The following ROBO1 variants were observed in gnomAD, a reference collection of about 807,000 sequenced individuals.
ROBO1 encodes roundabout guidance receptor 1.
A neutral mutation model predicts 195.9 loss-of-function variants in ROBO1; 149 were observed. The ratio of observed to expected loss-of-function variants is 0.76; its 90% confidence interval spans 0.67 to 0.87. The LOEUF (loss-of-function observed/expected upper bound fraction) is 0.87. Among genes scored for constraint, ROBO1 ranks in the 40% least tolerant of loss-of-function variants. The pLI, the probability that ROBO1 is intolerant of heterozygous loss-of-function variation, is 0.00. For missense variants in ROBO1, 1,933 were observed against 2,068.3 expected, an observed-to-expected ratio of 0.93 and a Z score of 1.27; for synonymous variants, 816 against 733.2, an observed-to-expected ratio of 1.11 and a Z score of -1.82.
chr3:78,756,412 T>C (rs1246440705), intron 4 of ROBO1, among the ~76,000 whole-genome samples: 1 of 152,180 alleles, frequency 6.6e-6, no homozygotes, highest in Non-Finnish European at 1.5e-5. Flanking sequence ...ATTCTACAAT[T>C]GGAATGCACA....
chr3:79,206,692 C>A (rs181941106), intron 2 of ROBO1, among the ~76,000 whole-genome samples: 1 of 151,988 alleles, frequency 6.6e-6, no homozygotes, highest in Non-Finnish European at 1.5e-5. Flanking sequence ...TAAAATATAT[C>A]ACTTCCACTA....
At chr3:79,063,739 T>C (rs1441791245) in intron 3 of ROBO1, among the ~76,000 whole-genome samples, 1 of 151,908 alleles carries the variant, frequency 6.6e-6, no homozygotes, top group Admixed American at 6.6e-5. Context: ...ATTTGTGACA[T>C]AGTTATTAAA....
At chr3:79,503,992 G>A (rs1282188316) in intron 2 of ROBO1, among the ~76,000 whole-genome samples, 7 of 151,970 alleles carry the variant, frequency 4.6e-5, no homozygotes, top group Admixed American at 2.0e-4. Flanking sequence ...AACTCCCAAG[G>A]TCTGGACTCT....
chr3:79,543,016 T>G (rs1942134143), intron 2 of ROBO1, among the ~76,000 whole-genome samples: 1 of 152,066 alleles, frequency 6.6e-6, no homozygotes. Flanking sequence ...AAAATGGGAT[T>G]TCAAAGTTTT....
Position 79,557,739 on chromosome 3 carries a change from A to ATATATAT in ROBO1, c.88+32084_88+32085insATATATA, listed in dbSNP as rs1273371706. ...CAGAGCGAGACTGTCTTAAAACAAA[A>ATATATAT]AAAAATATATATATATATATATATA... On this transcript the variant is annotated intron_variant, in intron 2 of 30. Transcript: ENST00000464233. Among the ~76,000 whole-genome samples, 75 of 140,080 alleles carry ATATATAT rather than the reference A, an allele frequency of 5.4e-4. 1 individual carries two copies. Among genetic ancestry groups the ATATATAT allele is most frequent in the South Asian group, 8.7e-4 (4 of 4,574 alleles). The allele number at this position is 140,080 out of a possible 152,430, so 91.9% of individuals were successfully genotyped here.
chr3:79,296,521 C>T (rs2032607397), intron 2 of ROBO1, among the ~76,000 whole-genome samples: 1 of 152,218 alleles, frequency 6.6e-6, no homozygotes, highest in Admixed American at 6.5e-5. Context: ...AAGTGCTAAC[C>T]CAAACCTTTC....
At chr3:79,715,574 G>A (rs1702450620) in intron 1 of ROBO1, among the ~76,000 whole-genome samples, 1 of 152,070 alleles carries the variant, frequency 6.6e-6, no homozygotes, top group East Asian at 1.9e-4. Context: ...ACTTCTACAT[G>A]TGCTGGGAAA....
At chr3:78,808,917 C>T (rs910967341) in intron 4 of ROBO1, among the ~76,000 whole-genome samples, 1 of 152,130 alleles carries the variant, frequency 6.6e-6, no homozygotes, top group East Asian at 1.9e-4. Flanking sequence ...GAGGCAATAC[C>T]ATTCAGGACA....
chr3:79,672,554 A>G lies in ROBO1; in HGVS notation c.-50-82593T>C, dbSNP rs530771984. On this transcript the variant is annotated intron_variant, in intron 1 of 30. Coordinates refer to ENST00000464233, the MANE Select transcript of ROBO1 (RefSeq NM_002941.4). ...ACAGGATAAATATCAGATCAGACGT[A>G]AACTCTTATTTTTTAGTTAGAAGAC... 1.8e-4 allele frequency among the ~76,000 whole-genome samples: 27 copies of G among 152,090 alleles called. No individual in the cohort carries two copies. The South Asian group carries it at 5.2e-3, about 29-fold the overall frequency.
intron 4 of ROBO1, among the ~76,000 whole-genome samples, chr3:78,807,661 G>A (rs2084587975): frequency 6.6e-6 from 1 of 152,234 alleles, no homozygotes; most frequent in Admixed American, 6.5e-5. Flanking sequence ...CAAAGCAATA[G>A]TGAAGAGTGT....
chr3:79,300,454 C>T (rs756606060), intron 2 of ROBO1, among the ~76,000 whole-genome samples: 85 of 152,346 alleles, frequency 5.6e-4, no homozygotes, highest in South Asian at 1.4e-3. Flanking sequence ...GCTGCCTTCC[C>T]GCGGGGCAGG....
Position 78,675,952 on chromosome 3 carries a change from G to T in ROBO1, c.1343-5651C>A, listed in dbSNP as rs187326645. 4.7e-4 allele frequency among the ~76,000 whole-genome samples: 72 copies of T among 152,114 alleles called. 1 individual carries two copies. The highest frequency in any genetic ancestry group is 3.4e-3 in the Middle Eastern group (1 of 294). On this transcript the variant is annotated intron_variant, in intron 10 of 30. Transcript: ENST00000464233. The stretch of plus-strand genomic sequence containing the variant: ...AGTAGGGGCAGACTGACACCTCACA[G>T]GGCCGGGTACTCCTCTGAGACAAAA...
At chr3:78,988,658 G>A (rs1339233056) in intron 3 of ROBO1, among the ~76,000 whole-genome samples, 2 of 152,128 alleles carry the variant, frequency 1.3e-5, no homozygotes, top group Admixed American at 1.3e-4. Context: ...TGTCACTGAA[G>A]TAATTCACAA....
chr3:78,802,895 A>G (rs1233730118), intron 4 of ROBO1, among the ~76,000 whole-genome samples: 1 of 152,196 alleles, frequency 6.6e-6, no homozygotes, highest in Non-Finnish European at 1.5e-5. Flanking sequence ...TGAACTACAG[A>G]AAAGGTATAC....
intron 29 of ROBO1, among the ~76,000 whole-genome samples, chr3:78,604,679 G>A (rs1394439952): frequency 6.6e-6 from 1 of 152,098 alleles, no homozygotes. Context: ...TCATGCTGCA[G>A]TCACAGAACA....
At chr3:79,356,203 T>A (rs951951306) in intron 2 of ROBO1, among the ~76,000 whole-genome samples, 3 of 152,054 alleles carry the variant, frequency 2.0e-5, no homozygotes, top group African/African-American at 7.2e-5. Flanking sequence ...TAGCCAGGTG[T>A]GGTGGTGCAC....
chr3:79,757,024 T>C (rs1355763685), intron 1 of ROBO1, among the ~76,000 whole-genome samples: 6 of 152,222 alleles, frequency 3.9e-5, no homozygotes, highest in African/African-American at 1.4e-4. Context: ...AAAAATTTCA[T>C]TGTACATAAT....
chr3:79,251,519 G>A (rs964914980), intron 2 of ROBO1, among the ~76,000 whole-genome samples: 4 of 152,264 alleles, frequency 2.6e-5, no homozygotes, highest in South Asian at 2.1e-4. Flanking sequence ...TTGGGAGGCC[G>A]AGGAGAGTGG....
At chr3:79,209,760 C>T (rs2081938136) in intron 2 of ROBO1, among the ~76,000 whole-genome samples, 1 of 151,896 alleles carries the variant, frequency 6.6e-6, no homozygotes, top group Non-Finnish European at 1.5e-5. Context: ...TTGCTGTTTG[C>T]CCATGATATG....
Sources: gnomAD v4.1 joint callset for allele counts (sites outside exome capture counted in the v4.1 genomes callset) on GRCh38, gnomAD v4.1.1 for gene constraint, MANE v1.5 for transcripts, NCBI Gene and HGNC (gene_info 2026-07-23, HGNC 2026-07-21) for gene names.